CACNB2: variants seen among roughly 807,000 people sequenced by gnomAD.
The protein encoded by CACNB2 is voltage-dependent L-type calcium channel subunit beta-2.
A neutral mutation model predicts 73.3 loss-of-function variants in CACNB2; 42 were observed. The observed-to-expected ratio is 0.57, with a 90% CI of 0.45 to 0.74. The LOEUF (loss-of-function observed/expected upper bound fraction) is 0.74, where lower values mean the gene tolerates loss of function less well. Among genes scored for constraint, CACNB2 ranks in the 30% least tolerant of loss-of-function variants. The pLI, the probability that CACNB2 is intolerant of heterozygous loss-of-function variation, is 0.00. For synonymous variants in CACNB2, 348 were observed against 310.3 expected (o/e 1.12, Z -1.28); for missense variants, 940 against 853.0 (o/e 1.10, Z -1.27).
In CACNB2 at chr10:18,434,375, C is replaced by T. The variant is rs188232671; in HGVS notation, c.333+32332C>T. On this transcript the variant is annotated intron_variant, in intron 3 of 13. Coordinates refer to ENST00000324631, the MANE Select transcript of CACNB2 (RefSeq NM_201596.3). ...ACTGAAGGAATAAAGTCAGAGAAACCTGCCAGTTCTCAGTGTAGCCAGTAG... is the reference window on the plus strand; with the variant it reads ...ACTGAAGGAATAAAGTCAGAGAAACTTGCCAGTTCTCAGTGTAGCCAGTAG... 1.2e-3 allele frequency among the ~76,000 whole-genome samples: 181 copies of T among 152,082 alleles called. 2 individuals carry two copies. Among genetic ancestry groups the T allele is most frequent in the South Asian group, 9.8e-3 (47 of 4,790 alleles).
At chr10:18,295,814 G>C (rs540672933) in intron 2 of CACNB2, among the ~76,000 whole-genome samples, 14 of 152,088 alleles carry the variant, frequency 9.2e-5, no homozygotes, top group Middle Eastern at 3.4e-3. Flanking sequence ...CTAGAAATTG[G>C]CTAAAAGACT....
chr10:18,492,488 G>A (rs888019600), intron 3 of CACNB2, among the ~76,000 whole-genome samples: 1 of 152,052 alleles, frequency 6.6e-6, no homozygotes, highest in African/African-American at 2.4e-5. Flanking sequence ...GGGTGTGGTG[G>A]CATGCGCCTG....
At chr10:18,442,592 CAAG>C (rs1346779860) in intron 3 of CACNB2, among the ~76,000 whole-genome samples, 1 of 151,080 alleles carries the variant, frequency 6.6e-6, no homozygotes, top group Non-Finnish European at 1.5e-5. Flanking sequence ...TTTGGGAGGC[CAAG>C]GAGGGCAGAT....
At chr10:18,486,264 C>T (rs1452257709) in intron 3 of CACNB2, among the ~76,000 whole-genome samples, 3 of 152,058 alleles carry the variant, frequency 2.0e-5, no homozygotes, top group Non-Finnish European at 4.4e-5. Flanking sequence ...TGTGTTATAG[C>T]GTTCAAATTA....
intron 9 of CACNB2, among the ~76,000 whole-genome samples, chr10:18,521,090 C>G (rs900129518): frequency 6.6e-6 from 1 of 152,244 alleles, no homozygotes; most frequent in African/African-American, 2.4e-5. Flanking sequence ...GCTGCATACT[C>G]TCTGCTAGAG....
rs2044019695 is a variant in CACNB2 at position 18,401,953 on chromosome 10, A to G, written c.243A>G (p.Pro81=). 6.8e-6 allele frequency: 11 copies of G among 1,613,994 alleles called. No individual in the cohort carries two copies. Among genetic ancestry groups the G allele is most frequent in the Non-Finnish European group, 1.7e-6 (2 of 1,179,962 alleles). Residue 81 remains proline (P), a synonymous_variant, in exon 3 of 14, where the codon CCA becomes CCG. Coordinates refer to ENST00000324631, the MANE Select transcript of CACNB2 (RefSeq NM_201596.3). ...CGGCAGACTCCTACACTAGCCGTCC[A>G]TCCGATTCCGATGTATCTCTGGAGG... is the stretch of plus-strand genomic sequence containing the variant. The part of the protein sequence containing the change: ...QGSADSYTSR[P]SDSDVSLEED...
intron 2 of CACNB2, among the ~76,000 whole-genome samples, chr10:18,172,860 A>G (rs777098060): frequency 6.7e-6 from 1 of 150,178 alleles, no homozygotes; most frequent in Non-Finnish European, 1.5e-5. Context: ...GTCATCACAC[A>G]TTGGGCAAGT....
At chr10:18,286,603 T>A (rs1202120293) in intron 2 of CACNB2, among the ~76,000 whole-genome samples, 1 of 144,718 alleles carries the variant, frequency 6.9e-6, no homozygotes, top group East Asian at 2.3e-4. Flanking sequence ...CCATCCGTCA[T>A]CAATCTTAAT....
At position 18,220,272 on chromosome 10, in the gene CACNB2, GAGAA is replaced by G. The variant is rs1225066398; in HGVS notation, c.213+69301_213+69304del. On this transcript the variant is annotated intron_variant, in intron 2 of 13. Transcript: ENST00000324631. Reference sequence around the variant, plus strand: ...AGAGAGAGAGAGAGAGAGAGAGAGAGAGAAAGAGAGAGAATCTTATTCTGTCACC... The same window carrying G: ...AGAGAGAGAGAGAGAGAGAGAGAGAGAGAGAGAGAATCTTATTCTGTCACC... 3.6e-3 allele frequency among the ~76,000 whole-genome samples: 427 copies of G among 119,934 alleles called. 30 individuals carry two copies. Among genetic ancestry groups the G allele is most frequent in the African/African-American group, 0.011 (329 of 29,552 alleles). The allele number at this position is 119,934 out of a possible 152,430, so 78.7% of individuals were successfully genotyped here. A position where few individuals can be genotyped will look rare whatever the true frequency, so the allele number is the denominator to read the frequency against.
chr10:18,481,164 G>A (rs1192274267), intron 3 of CACNB2, among the ~76,000 whole-genome samples: 1 of 120,170 alleles, frequency 8.3e-6, no homozygotes, highest in Non-Finnish European at 1.6e-5. Context: ...ACCAAGAGGT[G>A]ACCAAAACTG....
intron 3 of CACNB2, among the ~76,000 whole-genome samples, chr10:18,421,143 G>GA (rs1306382089): frequency 6.6e-6 from 1 of 152,006 alleles, no homozygotes; most frequent in Non-Finnish European, 1.5e-5. Flanking sequence ...TCTGGTCCAA[G>GA]AAAATCTATC....
intron 5 of CACNB2, among the ~76,000 whole-genome samples, chr10:18,502,961 TAAAAAAAGA>T (rs943327978): frequency 6.6e-6 from 1 of 151,404 alleles, no homozygotes; most frequent in African/African-American, 2.4e-5. Context: ...AAACTAAAAG[TAAAAAAAGA>T]AAAAAAAGTT....
At chr10:18,233,911 A>G (rs577335788) in intron 2 of CACNB2, among the ~76,000 whole-genome samples, 2 of 152,312 alleles carry the variant, frequency 1.3e-5, no homozygotes, top group East Asian at 1.9e-4. Context: ...TGCTCAGTCA[A>G]CTGAAATCCC....
intron 3 of CACNB2, among the ~76,000 whole-genome samples, chr10:18,476,783 C>T (rs147859551): frequency 2.6e-4 from 39 of 152,238 alleles, no homozygotes; most frequent in Admixed American, 8.5e-4. Context: ...GAGGCTGAGG[C>T]AGCCCAATCA....
intron 6 of CACNB2, among the ~76,000 whole-genome samples, chr10:18,512,857 G>A (rs924440352): frequency 1.2e-4 from 18 of 152,186 alleles, no homozygotes; most frequent in African/African-American, 4.3e-4. Context: ...TATGATGGAT[G>A]AGGCAAAACT....
chr10:18,492,136 A>G (rs1439906352), intron 3 of CACNB2, among the ~76,000 whole-genome samples: 1 of 152,124 alleles, frequency 6.6e-6, no homozygotes, highest in Non-Finnish European at 1.5e-5. Flanking sequence ...GGTGCCACAC[A>G]TGTTTAGACA....
At chr10:18,401,165 T>G in intron 2 of CACNB2, 1 of 1,585,910 alleles carries the variant, frequency 6.3e-7, no homozygotes, top group Non-Finnish European at 8.7e-7. Context: ...GTTGTTGCAG[T>G]GAGTGCAGGT....
At chr10:18,142,163 T>A (rs1305456604) in intron 1 of CACNB2, among the ~76,000 whole-genome samples, 1 of 152,236 alleles carries the variant, frequency 6.6e-6, no homozygotes, top group East Asian at 1.9e-4. Context: ...TCTAGCTTTA[T>A]TGAACTTTCT....
intron 2 of CACNB2, chr10:18,261,856 C>T (rs1315339526): frequency 4.0e-6 from 2 of 501,810 alleles, no homozygotes; most frequent in Non-Finnish European, 8.0e-6. Flanking sequence ...TATTTCATGG[C>T]CCTGCTGTGT....
Sources: gnomAD v4.1 joint callset for allele counts (sites outside exome capture counted in the v4.1 genomes callset) on GRCh38, gnomAD v4.1.1 for gene constraint, MANE v1.5 for transcripts, NCBI Gene and HGNC (gene_info 2026-07-23, HGNC 2026-07-21) for gene names.